PTPN12: variants seen among roughly 807,000 people sequenced by gnomAD.
The protein encoded by PTPN12 is tyrosine-protein phosphatase non-receptor type 12.
In PTPN12, 29 loss-of-function variants were observed where a neutral mutation model predicts 97.6. That is an observed-to-expected ratio of 0.30 (90% confidence interval 0.22 to 0.41). PTPN12 has a LOEUF of 0.41. Ranked by LOEUF, PTPN12 falls within the 10% of genes least tolerant of loss-of-function variation. The pLI is 1.00. For synonymous variants in PTPN12, 327 were observed against 300.4 expected (o/e 1.09, Z -0.91); for missense variants, 819 against 926.0 (o/e 0.88, Z 1.50).
chr7:77,569,045 A>T (rs1428891581), intron 1 of PTPN12, among the ~76,000 whole-genome samples: 1 of 152,160 alleles, frequency 6.6e-6, no homozygotes, highest in Non-Finnish European at 1.5e-5. Flanking sequence ...ATTTACGTTC[A>T]ATTTTTTGAA....
At chr7:77,562,036 C>T (rs1420592685) in intron 1 of PTPN12, among the ~76,000 whole-genome samples, 4 of 150,406 alleles carry the variant, frequency 2.7e-5, no homozygotes, top group African/African-American at 4.9e-5. Context: ...ATGATCTGCC[C>T]GCCTCGGCCT....
In PTPN12 at chr7:77,583,425, A is replaced by AATTTC. The variant is rs1787586060; in HGVS notation, c.286-130_286-129insATTTC. The AATTTC allele has an allele frequency of 8.0e-6, 5 of 625,900 alleles. No individual in the cohort carries two copies. In the East Asian group the frequency reaches 1.4e-4, roughly 18 times the overall value. The allele number at this position is 625,900 out of a possible 1,614,324, so 38.8% of individuals were successfully genotyped here. On this transcript the variant is annotated intron_variant, in intron 3 of 17. Coordinates refer to ENST00000248594, the MANE Select transcript of PTPN12 (RefSeq NM_002835.4). ...GCCATGCTTTAATATACTATGAAAG[A>AATTTC]CACATTATTTGGAAATGGTTTAAGT... is the stretch of plus-strand genomic sequence containing the variant.
At position 77,632,347 on chromosome 7, in the gene PTPN12, G is replaced by A; in HGVS notation, c.1997-1G>A. Reference sequence around the variant, plus strand: ...TCTAAATTTTTATGTGTTTAATTTAGATGTTGATGTTAGTGAAGATTCACC... The same window carrying A: ...TCTAAATTTTTATGTGTTTAATTTAAATGTTGATGTTAGTGAAGATTCACC... On this transcript the variant is annotated splice_acceptor_variant, in intron 13 of 17. Transcript: ENST00000248594. LOFTEE classifies it high-confidence loss of function. 3.1e-6 allele frequency: 5 copies of A among 1,592,292 alleles called. No individual in the cohort carries two copies. Among genetic ancestry groups the A allele is most frequent in the Non-Finnish European group, 4.3e-6 (5 of 1,160,418 alleles).
chr7:77,618,887 T>C (rs996503525), intron 12 of PTPN12, among the ~76,000 whole-genome samples: 2 of 152,224 alleles, frequency 1.3e-5, no homozygotes, highest in African/African-American at 4.8e-5. Flanking sequence ...CTAAATATGC[T>C]TGCCAAAAAT....
intron 12 of PTPN12, among the ~76,000 whole-genome samples, chr7:77,625,139 GA>G (rs1307455197): frequency 2.0e-5 from 3 of 151,548 alleles, no homozygotes; most frequent in African/African-American, 7.3e-5. Context: ...TATCTCAAAA[GA>G]AAAACAGAAC....
intron 14 of PTPN12, among the ~76,000 whole-genome samples, chr7:77,632,750 A>G (rs1252289223): frequency 6.6e-6 from 1 of 152,132 alleles, no homozygotes; most frequent in Non-Finnish European, 1.5e-5. Flanking sequence ...TGAGGTCAGG[A>G]GTTGGAGACC....
At chr7:77,614,346 A>G (rs1408738247) in intron 11 of PTPN12, among the ~76,000 whole-genome samples, 1 of 152,188 alleles carries the variant, frequency 6.6e-6, no homozygotes, top group African/African-American at 2.4e-5. Flanking sequence ...CCTGAAATCT[A>G]TACTAGGATT....
chr7:77,622,706 A>C (rs1788983243), intron 12 of PTPN12, among the ~76,000 whole-genome samples: 2 of 151,890 alleles, frequency 1.3e-5, no homozygotes, highest in Admixed American at 1.3e-4. Context: ...GGGAGGCGGA[A>C]GTTACAGTGA....
At chr7:77,603,675 T>C (rs187852707) in intron 8 of PTPN12, among the ~76,000 whole-genome samples, 1 of 152,254 alleles carries the variant, frequency 6.6e-6, no homozygotes, top group Admixed American at 6.5e-5. Flanking sequence ...TTTGAGCACA[T>C]CTGCAGTTAT....
chr7:77,624,719 G>A (rs1486305000), intron 12 of PTPN12, among the ~76,000 whole-genome samples: 4 of 151,830 alleles, frequency 2.6e-5, no homozygotes, highest in African/African-American at 7.3e-5. Context: ...GATTACAGGC[G>A]TGAGCCACCA....
At chr7:77,572,333 G>C (rs1787172305) in intron 2 of PTPN12, among the ~76,000 whole-genome samples, 1 of 152,046 alleles carries the variant, frequency 6.6e-6, no homozygotes, top group African/African-American at 2.4e-5. Context: ...CTTTTTAATT[G>C]CCAGATTTGG....
chr7:77,561,044 C>T (rs773634306), intron 1 of PTPN12, among the ~76,000 whole-genome samples: 1 of 152,158 alleles, frequency 6.6e-6, no homozygotes, highest in Non-Finnish European at 1.5e-5. Flanking sequence ...TTCTCCATAT[C>T]CTTGCCAATA....
chr7:77,607,904 C>G (rs764526573), intron 9 of PTPN12, among the ~76,000 whole-genome samples: 3 of 152,120 alleles, frequency 2.0e-5, no homozygotes, highest in Non-Finnish European at 4.4e-5. Flanking sequence ...CAGGTGCCTG[C>G]CATCACGCCC....
intron 1 of PTPN12, among the ~76,000 whole-genome samples, chr7:77,564,750 T>G (rs1242578588): frequency 3.2e-5 from 2 of 63,372 alleles, no homozygotes; most frequent in African/African-American, 1.6e-4. Context: ...TGTCGTGTTT[T>G]TTTTTTTTTT....
Position 77,623,571 on chromosome 7 carries a change from C to T in PTPN12, c.1026-3134C>T, listed in dbSNP as rs111894739. Among the ~76,000 whole-genome samples, 112 of 152,292 alleles carry T rather than the reference C, an allele frequency of 7.4e-4. 1 individual carries two copies. Among genetic ancestry groups the T allele is most frequent in the African/African-American group, 2.5e-3 (106 of 41,580 alleles). Reference sequence around the variant, plus strand: ...ACTAAAAATACAAACATTAGCCGGGCGTCATGGCGCGTGCCTATAATCCCA... The same window carrying T: ...ACTAAAAATACAAACATTAGCCGGGTGTCATGGCGCGTGCCTATAATCCCA... On this transcript the variant is annotated intron_variant, in intron 12 of 17. Coordinates refer to ENST00000248594, the MANE Select transcript of PTPN12 (RefSeq NM_002835.4).
In PTPN12 at chr7:77,627,174, A is replaced by G. The variant is rs755018327; in HGVS notation, c.1495A>G (p.Ser499Gly). Residue 499 changes from serine to glycine, a missense_variant, in exon 13 of 18, where the codon AGT becomes GGT. Ser to Gly is a moderately conservative substitution (Grantham distance 56). Coordinates refer to ENST00000248594, the MANE Select transcript of PTPN12 (RefSeq NM_002835.4). ...DTSQNSCVDC[S>G]VTQSNKVSVT... is the part of the protein sequence containing the mutation. ...TTCCCAGAATTCTTGTGTGGACTGC[A>G]GTGTAACACAATCAAACAAAGTTTC... The G allele has an allele frequency of 1.9e-6, 3 of 1,614,098 alleles. No homozygotes were observed.
chr7:77,561,936 T>C (rs541246642), intron 1 of PTPN12, among the ~76,000 whole-genome samples: 1 of 147,298 alleles, frequency 6.8e-6, no homozygotes, highest in Non-Finnish European at 1.5e-5. Flanking sequence ...GGACTACAAG[T>C]GCCCATCACC....
At chr7:77,557,812 A>T (rs1398600409) in intron 1 of PTPN12, among the ~76,000 whole-genome samples, 1 of 152,242 alleles carries the variant, frequency 6.6e-6, no homozygotes, top group East Asian at 1.9e-4. Flanking sequence ...GAAAAAAATA[A>T]TCAACCTCTC....
chr7:77,587,395 C>T lies in PTPN12; in HGVS notation c.420+1814C>T, dbSNP rs1043101411. On this transcript the variant is annotated intron_variant, in intron 5 of 17. Coordinates refer to ENST00000248594, the MANE Select transcript of PTPN12 (RefSeq NM_002835.4). The stretch of plus-strand genomic sequence containing the variant: ...AATATTTTGAAAGGAATTTTTTTTT[C>T]CAACCAGTAGTCCCCAGTAGTGAGC... Among the ~76,000 whole-genome samples the T allele has an allele frequency of 1.5e-4, 22 of 147,364 alleles. 1 individual carries two copies. The highest frequency in any genetic ancestry group is 4.5e-5 in the Non-Finnish European group (3 of 66,348).
Sources: gnomAD v4.1 joint callset for allele counts (sites outside exome capture counted in the v4.1 genomes callset) on GRCh38, gnomAD v4.1.1 for gene constraint, MANE v1.5 for transcripts, NCBI Gene and HGNC (gene_info 2026-07-23, HGNC 2026-07-21) for gene names.